Variants in TNRC6B observed in about 807,000 individuals in gnomAD.
TNRC6B encodes trinucleotide repeat-containing gene 6B protein.
A neutral mutation model predicts 203.6 loss-of-function variants in TNRC6B; 52 were observed. The observed-to-expected ratio is 0.26, with a 90% confidence interval of 0.20 to 0.32. TNRC6B has a LOEUF of 0.32. Ranked by LOEUF, TNRC6B falls within the 10% of genes least tolerant of loss-of-function variation. The pLI is 1.00. For missense variants in TNRC6B, 1,923 were observed against 2,286.2 expected, an observed-to-expected ratio of 0.84 and a Z score of 3.24; for synonymous variants, 838 against 845.7, an observed-to-expected ratio of 0.99 and a Z score of 0.16.
At chr22:40,316,854 A>T (rs760640677) in intron 21 of TNRC6B, among the ~76,000 whole-genome samples, 26 of 152,226 alleles carry the variant, frequency 1.7e-4, no homozygotes, top group Non-Finnish European at 2.6e-4. Context: ...TTTATAAGCT[A>T]GTTCATAAAA....
intron 4 of TNRC6B, among the ~76,000 whole-genome samples, chr22:40,165,919 C>T (rs181993131): frequency 7.6e-4 from 116 of 152,202 alleles, no homozygotes; most frequent in African/African-American, 2.8e-3. Flanking sequence ...TGTGTGGGGA[C>T]ACAGCCAAAC....
intron 4 of TNRC6B, among the ~76,000 whole-genome samples, chr22:40,168,876 T>C (rs767927370): frequency 2.6e-5 from 4 of 152,222 alleles, no homozygotes; most frequent in Admixed American, 6.5e-5. Flanking sequence ...AATCTTTTCT[T>C]ATTCTCCCAG....
intron 1 of TNRC6B, among the ~76,000 whole-genome samples, chr22:40,185,639 G>C (rs2069191644): frequency 6.6e-6 from 1 of 152,160 alleles, no homozygotes; most frequent in Non-Finnish European, 1.5e-5. Context: ...TTGAGGGGAG[G>C]TTGCACACGT....
chr22:40,187,180 G>A (rs528857995), intron 1 of TNRC6B, among the ~76,000 whole-genome samples: 1 of 152,316 alleles, frequency 6.6e-6, no homozygotes, highest in East Asian at 1.9e-4. Context: ...CACAGGGAGG[G>A]TTATGCGAAG....
chr22:40,305,561 A>G (rs1349554271), intron 15 of TNRC6B, among the ~76,000 whole-genome samples: 1 of 152,202 alleles, frequency 6.6e-6, no homozygotes, highest in African/African-American at 2.4e-5. Flanking sequence ...GACACATTCC[A>G]TATCCTAGCG....
intron 4 of TNRC6B, among the ~76,000 whole-genome samples, chr22:40,170,303 A>T (rs1439451270): frequency 8.5e-6 from 1 of 117,828 alleles, no homozygotes; most frequent in African/African-American, 3.3e-5. Flanking sequence ...ATATATATAT[A>T]ATATATATTT....
At chr22:40,060,025 C>T (rs1445270317) in intron 1 of TNRC6B, among the ~76,000 whole-genome samples, 1 of 151,522 alleles carries the variant, frequency 6.6e-6, no homozygotes, top group Non-Finnish European at 1.5e-5. Flanking sequence ...GACGGGGTTT[C>T]ACTGTGTTGG....
intron 1 of TNRC6B, among the ~76,000 whole-genome samples, chr22:40,085,576 C>G (rs957551267): frequency 3.6e-4 from 55 of 152,096 alleles, no homozygotes; most frequent in African/African-American, 1.2e-3. Flanking sequence ...GAAGAGTGTT[C>G]CTTTACCTTG....
intron 1 of TNRC6B, among the ~76,000 whole-genome samples, chr22:40,231,377 G>A (rs1406413424): frequency 6.6e-6 from 1 of 152,118 alleles, no homozygotes; most frequent in Non-Finnish European, 1.5e-5. Flanking sequence ...TCATTCATGA[G>A]CATGGTACAT....
At chr22:40,177,870 A>G, upstream of TNRC6B, 1 of 1,312,740 alleles carries the variant, frequency 7.6e-7, no homozygotes, top group South Asian at 2.4e-5. Flanking sequence ...TGACAAACCT[A>G]CCCGAAGTCA....
intron 2 of TNRC6B, among the ~76,000 whole-genome samples, chr22:40,249,959 A>G (rs570704398): frequency 1.2e-3 from 190 of 152,164 alleles, no homozygotes; most frequent in Non-Finnish European, 1.9e-3. Context: ...ACTCTTATTT[A>G]GAGTCTGATG....
intron 1 of TNRC6B, among the ~76,000 whole-genome samples, chr22:40,049,396 G>A (rs753625170): frequency 3.3e-5 from 5 of 152,050 alleles, no homozygotes; most frequent in Admixed American, 1.3e-4. Flanking sequence ...CTTTTGGGGC[G>A]TCGTTCCTTT....
intron 21 of TNRC6B, among the ~76,000 whole-genome samples, chr22:40,316,390 G>C (rs1260156422): frequency 6.6e-6 from 1 of 151,938 alleles, no homozygotes; most frequent in Non-Finnish European, 1.5e-5. Flanking sequence ...TAAAGATGGG[G>C]GTTGGTTTCT....
intron 11 of TNRC6B, among the ~76,000 whole-genome samples, chr22:40,283,350 A>AT (rs1450443561): frequency 1.3e-5 from 2 of 151,668 alleles, no homozygotes; most frequent in African/African-American, 4.9e-5. Flanking sequence ...TCTCCTGTTT[A>AT]TTTTTTACAG....
Position 40,331,862 on chromosome 22 carries a change from A to G in TNRC6B, c.*8621A>G. 2 of 350,692 alleles carry G rather than the reference A, an allele frequency of 5.7e-6. No individual in the cohort carries two copies. Among genetic ancestry groups the G allele is most frequent in the Non-Finnish European group, 1.0e-5 (2 of 194,042 alleles). 21.7% of individuals were successfully genotyped at this position (350,692 alleles called of 1,614,324 possible). A position where few individuals can be genotyped will look rare whatever the true frequency, so the allele number is the denominator to read the frequency against. ...GGAGGGGAAGGGGAGTGAGAGACGAATGTGGTAAGGTCAGCACAGTGAGAT... is the reference window on the plus strand; with the variant it reads ...GGAGGGGAAGGGGAGTGAGAGACGAGTGTGGTAAGGTCAGCACAGTGAGAT... On this transcript the variant is annotated 3_prime_UTR_variant, in exon 23 of 23. Transcript: ENST00000454349.
At chr22:40,272,879 T>C (rs2070583527) in intron 6 of TNRC6B, among the ~76,000 whole-genome samples, 1 of 152,248 alleles carries the variant, frequency 6.6e-6, no homozygotes, top group Admixed American at 6.5e-5. Context: ...TGTGAATTTT[T>C]CTTCTTTCAC....
chr22:40,130,898 T>A (rs2146328582), intron 3 of TNRC6B, among the ~76,000 whole-genome samples: 1 of 150,460 alleles, frequency 6.6e-6, no homozygotes, highest in East Asian at 2.0e-4. Flanking sequence ...TGGGCAGGGT[T>A]GGTATAGAAG....
At position 40,266,344 on chromosome 22, in the gene TNRC6B, A is replaced by C. The variant is rs1463689555; in HGVS notation, c.2114A>C (p.Asn705Thr). 6.2e-7 allele frequency: 1 copy of C among 1,608,064 alleles called. No individual in the cohort carries two copies. Among genetic ancestry groups the C allele is most frequent in the East Asian group, 2.2e-5 (1 of 44,766 alleles). ...TGGWNDYKNN[N>T]SSNWGGGRPD... is the part of the protein sequence containing the mutation. ...GGCTGGAATGACTACAAGAACAACA[A>C]CTCTTCCAACTGGGGAGGAGGACGA... The change falls in exon 5 of 23, where the codon AAC (asparagine) becomes ACC (threonine). Residue 705 changes from asparagine (N) to threonine (T), a missense_variant. Physicochemically the swap from Asn to Thr is moderately conservative, Grantham distance 65 (BLOSUM62 0). Coordinates refer to ENST00000454349, the MANE Select transcript of TNRC6B (RefSeq NM_001162501.2).
chr22:40,311,728 A>G (rs1569065191), intron 17 of TNRC6B, among the ~76,000 whole-genome samples: 2 of 152,036 alleles, frequency 1.3e-5, no homozygotes, highest in African/African-American at 4.8e-5. Flanking sequence ...TGTTTAGTAG[A>G]GACAGGGTTT....
Sources: allele counts gnomAD v4.1 joint callset (sites outside exome capture counted in the v4.1 genomes callset), GRCh38; gene constraint gnomAD v4.1.1; transcripts MANE v1.5; gene names NCBI Gene and HGNC (gene_info 2026-07-23, HGNC 2026-07-21).